Variants in NAALADL2 observed in about 807,000 individuals in gnomAD.
NAALADL2 encodes N-acetylated alpha-linked acidic dipeptidase like 2, also known as inactive N-acetylated-alpha-linked acidic dipeptidase-like protein 2.
A neutral mutation model predicts 87.2 loss-of-function variants in NAALADL2; 76 were observed. The ratio of observed to expected loss-of-function variants is 0.87; its 90% CI spans 0.72 to 1.05. The LOEUF is 1.05. Among genes scored for constraint, NAALADL2 ranks in the 50% least tolerant of loss-of-function variants. The pLI is 0.00. For synonymous variants in NAALADL2, 354 were observed against 331.0 expected (o/e 1.07, Z -0.75); for missense variants, 1,089 against 945.8 (o/e 1.15, Z -1.99).
intron 5 of NAALADL2, among the ~76,000 whole-genome samples, chr3:175,439,637 T>C (rs139382276): frequency 0.012 from 1,801 of 152,162 alleles, 40 homozygotes; most frequent in African/African-American, 0.04. Flanking sequence ...TTTGTATATC[T>C]TCTTGTGAAA....
At chr3:174,706,987 T>C (rs1730134494) in intron 2 of NAALADL2, among the ~76,000 whole-genome samples, 1 of 152,122 alleles carries the variant, frequency 6.6e-6, no homozygotes, top group African/African-American at 2.4e-5. Context: ...GGGTGAACGA[T>C]ATGAACAGAC....
chr3:174,548,027 A>G (rs1490105132), intron 1 of NAALADL2, among the ~76,000 whole-genome samples: 2 of 152,184 alleles, frequency 1.3e-5, no homozygotes, highest in Non-Finnish European at 2.9e-5. Flanking sequence ...TCTTTTTGGA[A>G]AGCAATTTGG....
chr3:174,882,812 CAT>C (rs1248248309), intron 1 of NAALADL2, among the ~76,000 whole-genome samples: 1 of 118,370 alleles, frequency 8.4e-6, no homozygotes, highest in Non-Finnish European at 1.7e-5. Context: ...TGTATATGTG[CAT>C]ATGTGTATAT....
intron 3 of NAALADL2, among the ~76,000 whole-genome samples, chr3:174,754,419 T>C (rs1042923389): frequency 9.9e-5 from 15 of 151,584 alleles, no homozygotes; most frequent in Admixed American, 8.6e-4. Flanking sequence ...TAACAAAGTA[T>C]AAAATAAGGA....
chr3:175,580,706 G>A (rs547048390), intron 10 of NAALADL2, among the ~76,000 whole-genome samples: 3 of 152,100 alleles, frequency 2.0e-5, no homozygotes, highest in African/African-American at 7.2e-5. Context: ...GATGAAAAGG[G>A]GTTCATTGGT....
At chr3:174,752,726 T>A (rs958185347) in intron 3 of NAALADL2, among the ~76,000 whole-genome samples, 1 of 152,200 alleles carries the variant, frequency 6.6e-6, no homozygotes, top group Admixed American at 6.5e-5. Context: ...TTTTTGTTAA[T>A]TTTTTATGGA....
intron 2 of NAALADL2, among the ~76,000 whole-genome samples, chr3:175,139,709 C>G (rs566021620): frequency 6.6e-6 from 1 of 152,116 alleles, no homozygotes; most frequent in East Asian, 1.9e-4. Flanking sequence ...TGATTATCAT[C>G]AAATTATATT....
chr3:174,786,008 T>C (rs1716595272), intron 3 of NAALADL2, among the ~76,000 whole-genome samples: 1 of 152,198 alleles, frequency 6.6e-6, no homozygotes, highest in African/African-American at 2.4e-5. Context: ...AGGAATTACA[T>C]GATTAGCTGT....
At chr3:175,559,507 T>C (rs1045570524) in intron 9 of NAALADL2, among the ~76,000 whole-genome samples, 2 of 152,194 alleles carry the variant, frequency 1.3e-5, no homozygotes, top group African/African-American at 4.8e-5. Flanking sequence ...TAGGCATTCT[T>C]GTCTTTTTCC....
intron 13 of NAALADL2, among the ~76,000 whole-genome samples, chr3:175,756,765 G>A (rs1055479633): frequency 1.3e-5 from 2 of 151,946 alleles, no homozygotes; most frequent in African/African-American, 4.8e-5. Flanking sequence ...TACATAATAT[G>A]TCCATGTAAC....
At chr3:175,398,770 A>G (rs1484052359) in intron 5 of NAALADL2, among the ~76,000 whole-genome samples, 1 of 152,078 alleles carries the variant, frequency 6.6e-6, no homozygotes, top group Non-Finnish European at 1.5e-5. Flanking sequence ...ATGACTAGCA[A>G]ATAGAACATT....
chr3:175,033,601 A>G (rs372834903), intron 1 of NAALADL2, among the ~76,000 whole-genome samples: 2 of 152,216 alleles, frequency 1.3e-5, no homozygotes, highest in East Asian at 1.9e-4. Context: ...AATTCAATCT[A>G]TCAGCAACAT....
At chr3:175,601,055 A>G (rs1213452931) in intron 10 of NAALADL2, among the ~76,000 whole-genome samples, 1 of 152,188 alleles carries the variant, frequency 6.6e-6, no homozygotes, top group Non-Finnish European at 1.5e-5. Flanking sequence ...TGTTAAACAA[A>G]GTGGTTTTTT....
At chr3:174,708,070 T>C (rs1246835798) in intron 2 of NAALADL2, among the ~76,000 whole-genome samples, 1 of 152,176 alleles carries the variant, frequency 6.6e-6, no homozygotes, top group Non-Finnish European at 1.5e-5. Flanking sequence ...AAATTATCCA[T>C]AATCTAAGGA....
intron 11 of NAALADL2, among the ~76,000 whole-genome samples, chr3:175,724,733 T>G (rs1407682856): frequency 6.6e-6 from 1 of 152,080 alleles, no homozygotes; most frequent in Non-Finnish European, 1.5e-5. Flanking sequence ...GCCTTCATTG[T>G]CTCTATAAGA....
chr3:175,287,313 A>C lies in NAALADL2; in HGVS notation c.939+30783A>C, dbSNP rs59807702. Among the ~76,000 whole-genome samples the C allele has an allele frequency of 7.4e-3, 1,129 of 152,312 alleles. 13 individuals are homozygous for C. Among genetic ancestry groups the C allele is most frequent in the African/African-American group, 0.026 (1,068 of 41,564 alleles). Reference sequence around the variant, plus strand: ...TTATGAATAAACATTTCACATATCCAGCAATGTGCAAAAATAATATAATTA... The same window carrying C: ...TTATGAATAAACATTTCACATATCCCGCAATGTGCAAAAATAATATAATTA... On this transcript the variant is annotated intron_variant, in intron 4 of 13. Coordinates refer to ENST00000454872, the MANE Select transcript of NAALADL2 (RefSeq NM_207015.3).
intron 2 of NAALADL2, among the ~76,000 whole-genome samples, chr3:175,186,139 T>A (rs902064057): frequency 6.6e-6 from 1 of 152,130 alleles, no homozygotes; most frequent in Non-Finnish European, 1.5e-5. Context: ...ACTTGAGTGA[T>A]GTACGACATA....
chr3:175,423,028 A>AAAAAAAATATAT (rs1438736874), intron 5 of NAALADL2, among the ~76,000 whole-genome samples: 32 of 111,296 alleles, frequency 2.9e-4, no homozygotes, highest in East Asian at 1.4e-3. Flanking sequence ...GAAAAAAAAA[A>AAAAAAAATATAT]ATATATATAT....
At chr3:175,015,209 C>A (rs1379382532) in intron 1 of NAALADL2, among the ~76,000 whole-genome samples, 5 of 152,078 alleles carry the variant, frequency 3.3e-5, no homozygotes, top group Admixed American at 2.0e-4. Flanking sequence ...ACTTCAGTAT[C>A]ACGTTTAGCT....
Sources: gnomAD v4.1 joint callset for allele counts (sites outside exome capture counted in the v4.1 genomes callset) on GRCh38, gnomAD v4.1.1 for gene constraint, MANE v1.5 for transcripts, NCBI Gene and HGNC (gene_info 2026-07-23, HGNC 2026-07-21) for gene names.